Variants in SMTN observed in about 807,000 individuals in gnomAD.
SMTN encodes the protein smoothelin.
SMTN carries 58 observed loss-of-function variants against 102.0 expected under a neutral mutation model. That is an observed-to-expected ratio of 0.57 (90% CI 0.46 to 0.71). The LOEUF (loss-of-function observed/expected upper bound fraction) is 0.71. Among genes scored for constraint, SMTN ranks in the 30% least tolerant of loss-of-function variants. The pLI, the probability that SMTN is intolerant of heterozygous loss-of-function variation, is 0.00. For missense variants in SMTN, 1,185 were observed against 1,241.7 expected (o/e 0.95, Z 0.69); for synonymous variants, 478 against 497.9 (o/e 0.96, Z 0.53).
In SMTN at chr22:31,089,720, G is replaced by A. The variant is rs1254135152; in HGVS notation, c.493G>A (p.Glu165Lys). ...ACAGGTGCCAGAGCGAGAGGAACAGGAACAGCAGGCAGAGGTTTCAAAGCC... is the reference window on the plus strand; with the variant it reads ...ACAGGTGCCAGAGCGAGAGGAACAGAAACAGCAGGCAGAGGTTTCAAAGCC... ...QCEVPEREEQ[E>K]QQAEVSKPTP... The change falls in exon 7 of 21, where the codon GAA (glutamate) becomes AAA (lysine). Residue 165 changes from glutamate to lysine, a missense_variant. Physicochemically the swap from Glu to Lys is moderately conservative, Grantham distance 56 (BLOSUM62 1). Around this residue, in one of 2 missense-constraint regions of SMTN, gnomAD observed 1,096 missense variants for 1,112.7 expected, o/e 0.98. Transcript: ENST00000333137. The A allele has an allele frequency of 3.7e-6, 6 of 1,603,510 alleles. No homozygotes were observed. The East Asian group carries it at 1.1e-4, about 30-fold the overall frequency.
intron 7 of SMTN, 38 bp from the exon 8 acceptor site, chr22:31,090,070 G>A (rs1416285526): frequency 6.2e-7 from 1 of 1,610,368 alleles, no homozygotes; most frequent in Non-Finnish European, 8.5e-7. Context: ...AGGTCTGGGA[G>A]TCAGGCCTTG....
chr22:31,093,534 G>A (rs1047540529), intron 11 of SMTN: 5 of 703,522 alleles, frequency 7.1e-6, no homozygotes, highest in Non-Finnish European at 1.3e-5. Flanking sequence ...TGCGGGCGGT[G>A]GCTGAAGCAG....
At position 31,101,030 on chromosome 22, in the gene SMTN, C is replaced by G; in HGVS notation, c.*1C>G. ...GCTGGTAAAAACCAAAAAGTCCTAA[C>G]CCCTGCTCGGGGCCCCACGGTGAGA... is the stretch of plus-strand genomic sequence containing the variant. On this transcript the variant is annotated 3_prime_UTR_variant, in exon 20 of 21. Transcript: ENST00000333137. 1 of 1,607,162 alleles carries G rather than the reference C, an allele frequency of 6.2e-7. No individual in the cohort carries two copies. Among genetic ancestry groups the G allele is most frequent in the Admixed American group, 1.7e-5 (1 of 59,742 alleles).
chr22:31,088,245 G>A (rs914230743), intron 3 of SMTN, 132 bp downstream of exon 3: 11 of 1,096,866 alleles, frequency 1.0e-5, no homozygotes, highest in South Asian at 9.7e-5. Context: ...GTCCACACAC[G>A]CTTCTGGAAA....
In SMTN at chr22:31,090,945, C is replaced by T; in HGVS notation, c.938-16C>T. ...CTGTCCCACCCAGTTGCTGACAGCC[C>T]TCCTGTTCCTTCTAGAGTCCACCCC... On this transcript the variant is annotated splice_polypyrimidine_tract_variant and intron_variant, in intron 9 of 20. Transcript: ENST00000333137. The T allele has an allele frequency of 6.2e-7, 1 of 1,612,988 alleles. No individual in the cohort carries two copies. The highest frequency in any genetic ancestry group is 8.5e-7 in the Non-Finnish European group (1 of 1,179,140).
intron 1 of SMTN, among the ~76,000 whole-genome samples, chr22:31,070,730 C>T (rs2041977150): frequency 1.3e-5 from 2 of 151,804 alleles, no homozygotes; most frequent in South Asian, 2.1e-4. Flanking sequence ...TCAAGACCAG[C>T]CTGGCCAACA....
At chr22:31,100,752 G>T in intron 19 of SMTN, 133 bp from the exon 20 acceptor site, 1 of 610,890 alleles carries the variant, frequency 1.6e-6, no homozygotes, top group Non-Finnish European at 3.0e-6. Flanking sequence ...ATGTCTCTGT[G>T]TGTGTGTGTG....
intron 1 of SMTN, among the ~76,000 whole-genome samples, chr22:31,073,040 G>C (rs571895202): frequency 4.4e-5 from 5 of 112,744 alleles, no homozygotes; most frequent in Non-Finnish European, 5.2e-5. Flanking sequence ...TTTGAGACAG[G>C]GTCTTGCTCT....
chr22:31,091,489 GC>G lies in SMTN; in HGVS notation c.1459+13del. On this transcript the variant is annotated splice_region_variant and intron_variant, in intron 10 of 20. Transcript: ENST00000333137. ...ACAGGCAACCAGAGGGCAGGTAGGC[GC>G]CCCCCACTGCCTCCCCAATGGGGAT... The G allele has an allele frequency of 6.6e-7, 1 of 1,517,450 alleles. No homozygotes were observed. The highest frequency in any genetic ancestry group is 8.8e-7 in the Non-Finnish European group (1 of 1,136,546). 94.0% of individuals were successfully genotyped at this position (1,517,450 alleles called of 1,614,324 possible).
intron 1 of SMTN, among the ~76,000 whole-genome samples, chr22:31,074,857 C>T (rs1056341883): frequency 3.3e-5 from 5 of 152,064 alleles, no homozygotes; most frequent in African/African-American, 9.7e-5. Context: ...AGAGAGGAGT[C>T]CTAACGTTGG....
Position 31,100,985 on chromosome 22 carries a change from C to T in SMTN, c.2704C>T (p.Arg902Cys), listed in dbSNP as rs374020216. 7.6e-5 allele frequency: 123 copies of T among 1,613,320 alleles called. No homozygotes were observed. The highest frequency in any genetic ancestry group is 9.8e-5 in the Non-Finnish European group (116 of 1,179,844). ...CVYTYIQEFY[R>C]CLVQKGLVKT... is the part of the protein sequence containing the mutation. ...GTACACGTACATCCAGGAATTCTAC[C>T]GCTGTCTGGTCCAGAAGGGGCTGGT... The change falls in exon 20 of 21, where the codon CGC (arginine) becomes TGC (cysteine). Residue 902 changes from arginine (R) to cysteine (C), a missense_variant. By Grantham distance (180) the Arg-to-Cys change is radical. Coordinates refer to ENST00000333137, the MANE Select transcript of SMTN (RefSeq NM_134269.3).
chr22:31,088,077 G>A lies in SMTN; in HGVS notation c.164G>A (p.Arg55His). 2 of 1,609,042 alleles carry A rather than the reference G, an allele frequency of 1.2e-6. No homozygotes were observed. The highest frequency in any genetic ancestry group is 1.7e-6 in the Non-Finnish European group (2 of 1,176,604). The change falls in exon 3 of 21, where the codon CGT becomes CAT. Residue 55 changes from arginine to histidine, a missense_variant. Arg to His is a conservative substitution (Grantham distance 29). This residue lies in a region of SMTN where 1,096 missense variants were observed against 1,112.7 expected (regional missense o/e 0.98). Coordinates refer to ENST00000333137, the MANE Select transcript of SMTN (RefSeq NM_134269.3). ...EEEALASKRF[R>H]AERQDNKENW... is the part of the protein sequence containing the mutation. ...GAGGCCCTGGCATCCAAGCGTTTCC[G>A]TGCCGAGCGGCAGGACAACAAGGAG...
At chr22:31,091,638 C>T (rs763287045) in intron 10 of SMTN, 37 bp from the exon 11 acceptor site, 1 of 1,557,186 alleles carries the variant, frequency 6.4e-7, no homozygotes, top group South Asian at 1.2e-5. Context: ...CCTCACTCCA[C>T]CTGATCCTCC....
At chr22:31,093,081 C>T (rs1428361189) in intron 11 of SMTN, among the ~76,000 whole-genome samples, 2 of 152,262 alleles carry the variant, frequency 1.3e-5, no homozygotes, top group South Asian at 4.1e-4. Context: ...GGTCCATTCC[C>T]TGTTCCCTGC....
intron 1 of SMTN, among the ~76,000 whole-genome samples, chr22:31,071,654 C>A (rs1169515188): frequency 1.3e-5 from 2 of 150,610 alleles, no homozygotes; most frequent in African/African-American, 4.9e-5. Flanking sequence ...AAAAATTCAA[C>A]TGGGGAAATA....
At chr22:31,081,967 G>T (rs543725761) in intron 1 of SMTN, among the ~76,000 whole-genome samples, 1 of 152,140 alleles carries the variant, frequency 6.6e-6, no homozygotes, top group Non-Finnish European at 1.5e-5. Flanking sequence ...AGATTGGGAG[G>T]TTGACACCTC....
At chr22:31,091,561 C>G (rs1490497011) in intron 10 of SMTN, 79 bp downstream of exon 10, 1 of 1,508,530 alleles carries the variant, frequency 6.6e-7, no homozygotes, top group African/African-American at 1.4e-5. Context: ...GTGCTGCGGC[C>G]AGGACTCAGG....
chr22:31,091,403 A>T lies in SMTN; in HGVS notation c.1380A>T (p.Thr460=). 6.3e-7 allele frequency: 1 copy of T among 1,580,216 alleles called. No individual in the cohort carries two copies. The highest frequency in any genetic ancestry group is 8.6e-7 in the Non-Finnish European group (1 of 1,168,254). Residue 460 remains threonine, a synonymous_variant, in exon 10 of 21, where the codon ACA becomes ACT. Transcript: ENST00000333137. ...AGCCAGGGGGCAGTATGAAGACCAC[A>T]TTCACCATCGAGATCAAGGACGGCC... is the stretch of plus-strand genomic sequence containing the variant. The part of the protein sequence containing the change: ...TAEPGGSMKT[T]FTIEIKDGRG...
intron 20 of SMTN, chr22:31,104,038 G>T: frequency 2.1e-6 from 1 of 469,756 alleles, no homozygotes; most frequent in Non-Finnish European, 3.9e-6. Flanking sequence ...CCTCCCCAGG[G>T]TTGGAGGAAG....
Sources: gnomAD v4.1 joint callset for allele counts (sites outside exome capture counted in the v4.1 genomes callset) on GRCh38, gnomAD v4.1.1 for gene constraint, gnomAD v4.1.1 regional missense constraint, MANE v1.5 for transcripts, NCBI Gene and HGNC (gene_info 2026-07-23, HGNC 2026-07-21) for gene names.